PHF14: variants seen among roughly 807,000 people sequenced by gnomAD.
PHF14 encodes PHD finger protein 14.
PHF14 carries 55 observed loss-of-function variants against 117.9 expected under a neutral mutation model. The ratio of observed to expected loss-of-function variants is 0.47; its 90% CI spans 0.38 to 0.58. The LOEUF (loss-of-function observed/expected upper bound fraction) is 0.58. PHF14 is among the 20% of genes least tolerant of loss of function. The probability of loss-of-function intolerance (pLI) is 0.00; values close to 1 mark genes in which losing one functional copy is unlikely to be tolerated. For synonymous variants in PHF14, 409 were observed against 368.6 expected (o/e 1.11, Z -1.26); for missense variants, 978 against 1,122.2 (o/e 0.87, Z 1.84).
intron 17 of PHF14, among the ~76,000 whole-genome samples, chr7:11,126,593 C>T (rs1787935832): frequency 6.6e-6 from 1 of 151,876 alleles, no homozygotes; most frequent in Admixed American, 6.6e-5. Context: ...TAACTTTTGT[C>T]TTCCTGTCTA....
intron 13 of PHF14, among the ~76,000 whole-genome samples, chr7:11,046,856 T>G (rs1330001040): frequency 6.6e-6 from 1 of 151,792 alleles, no homozygotes; most frequent in Non-Finnish European, 1.5e-5. Context: ...GGCTAACGGC[T>G]TAGACATAAG....
chr7:11,014,955 C>T (rs1783483383), intron 5 of PHF14: 1 of 150,906 alleles, frequency 6.6e-6, no homozygotes, highest in Non-Finnish European at 1.5e-5. Flanking sequence ...AATTTTCAAC[C>T]TTTTGTATTT....
intron 16 of PHF14, among the ~76,000 whole-genome samples, chr7:11,097,651 T>C (rs1031672122): frequency 5.3e-5 from 8 of 152,258 alleles, no homozygotes; most frequent in Admixed American, 3.9e-4. Context: ...CCACAGTTAA[T>C]GCTAGAGGCA....
At chr7:10,974,414 T>C (rs1171281179) in intron 1 of PHF14, 90 bp downstream of exon 1, 5 of 1,107,276 alleles carry the variant, frequency 4.5e-6, no homozygotes, top group South Asian at 1.3e-5. Flanking sequence ...GGTGGGAGAG[T>C]CCTGCGGGAA....
intron 4 of PHF14, among the ~76,000 whole-genome samples, chr7:11,007,482 A>G (rs2128314575): frequency 6.6e-6 from 1 of 152,266 alleles, no homozygotes; most frequent in Middle Eastern, 3.4e-3. Context: ...CTAAAACTCA[A>G]TCCAAAGAAA....
chr7:11,088,418 G>GCA (rs150354024), intron 16 of PHF14, among the ~76,000 whole-genome samples: 20,012 of 150,360 alleles, frequency 0.13, 1,715 homozygotes, highest in African/African-American at 0.25. Flanking sequence ...ACACACACAC[G>GCA]CACACACACA....
chr7:11,108,547 G>T (rs1160900531), intron 16 of PHF14: 1 of 151,578 alleles, frequency 6.6e-6, no homozygotes, highest in Non-Finnish European at 1.5e-5. Context: ...TCCACATGTC[G>T]ACTAAGTAAT....
At chr7:10,993,837 C>T (rs771925856) in intron 4 of PHF14, among the ~76,000 whole-genome samples, 2 of 151,602 alleles carry the variant, frequency 1.3e-5, no homozygotes, top group African/African-American at 2.4e-5. Context: ...GGTGAAACGA[C>T]GTCTCTGCTA....
At chr7:11,039,324 G>C (rs1784426316) in intron 11 of PHF14, among the ~76,000 whole-genome samples, 1 of 151,680 alleles carries the variant, frequency 6.6e-6, no homozygotes, top group African/African-American at 2.4e-5. Flanking sequence ...GTTTTCAGCT[G>C]TATAAGAGAT....
intron 13 of PHF14, among the ~76,000 whole-genome samples, chr7:11,045,466 A>G (rs982790999): frequency 2.6e-5 from 4 of 152,186 alleles, no homozygotes; most frequent in Non-Finnish European, 5.9e-5. Flanking sequence ...CCTTACTACT[A>G]AATACCCTGT....
chr7:11,102,933 A>G (rs1338264196), intron 16 of PHF14: 3 of 1,047,210 alleles, frequency 2.9e-6, no homozygotes, highest in Non-Finnish European at 3.5e-6. Context: ...AGCCTGTGGG[A>G]CTTAATAAAT....
chr7:11,089,748 T>C (rs535659475), intron 16 of PHF14, among the ~76,000 whole-genome samples: 1 of 147,342 alleles, frequency 6.8e-6, no homozygotes, highest in East Asian at 2.1e-4. Flanking sequence ...TAGTGTAGAA[T>C]TGTTCATGCA....
intron 3 of PHF14, among the ~76,000 whole-genome samples, chr7:10,985,744 A>G (rs1782202749): frequency 1.5e-5 from 2 of 130,872 alleles, no homozygotes; most frequent in African/African-American, 2.9e-5. Context: ...CCTCCGCCTC[A>G]TGGGTTCAAG....
intron 16 of PHF14, chr7:11,105,840 T>C (rs1787242282): frequency 4.4e-5 from 43 of 984,542 alleles, no homozygotes; most frequent in Non-Finnish European, 5.1e-5. Context: ...TAAAATGAGA[T>C]TGACACCCAG....
intron 17 of PHF14, among the ~76,000 whole-genome samples, chr7:11,146,052 A>G (rs2128352527): frequency 6.6e-6 from 1 of 152,278 alleles, no homozygotes; most frequent in South Asian, 2.1e-4. Flanking sequence ...TCTGTGGTCA[A>G]GACATTCTAT....
chr7:11,161,118 A>G (rs916740266), intron 17 of PHF14, among the ~76,000 whole-genome samples: 1 of 152,170 alleles, frequency 6.6e-6, no homozygotes. Flanking sequence ...CTCCAGTTTC[A>G]TTCTTCTGCA....
At chr7:11,099,981 A>G (rs1158122802) in intron 16 of PHF14, among the ~76,000 whole-genome samples, 2 of 152,030 alleles carry the variant, frequency 1.3e-5, no homozygotes, top group Non-Finnish European at 2.9e-5. Flanking sequence ...AATTTCTCTA[A>G]ATGAGCTGAT....
chr7:10,981,876 G>C (rs1489101915), intron 2 of PHF14, among the ~76,000 whole-genome samples: 5 of 151,932 alleles, frequency 3.3e-5, no homozygotes, highest in African/African-American at 1.2e-4. Flanking sequence ...TATTTTACTG[G>C]GTAAAGAGTA....
intron 16 of PHF14, among the ~76,000 whole-genome samples, chr7:11,082,364 A>G (rs577609445): frequency 9.8e-5 from 15 of 152,340 alleles, no homozygotes; most frequent in Middle Eastern, 3.4e-3. Context: ...CAAAGCAAAC[A>G]AAAACATCAA....
Sources: gnomAD v4.1 joint callset for allele counts (sites outside exome capture counted in the v4.1 genomes callset) on GRCh38, gnomAD v4.1.1 for gene constraint, MANE v1.5 for transcripts, NCBI Gene and HGNC (gene_info 2026-07-23, HGNC 2026-07-21) for gene names.